NFIB: variants seen among roughly 807,000 people sequenced by gnomAD.
NFIB encodes the protein nuclear factor I B.
NFIB carries 11 observed loss-of-function variants against 61.5 expected under a neutral mutation model. The ratio of observed to expected loss-of-function variants is 0.18; its 90% CI spans 0.11 to 0.30. The LOEUF (loss-of-function observed/expected upper bound fraction) is 0.30. Among genes scored for constraint, NFIB ranks in the 10% least tolerant of loss-of-function variants. The probability of loss-of-function intolerance (pLI) is 1.00; values close to 1 mark genes in which losing one functional copy is unlikely to be tolerated. For synonymous variants in NFIB, 260 were observed against 216.5 expected (o/e 1.20, Z -1.76); for missense variants, 471 against 608.9 (o/e 0.77, Z 2.38).
intron 1 of NFIB, among the ~76,000 whole-genome samples, chr9:14,369,688 T>G (rs1178517298): frequency 6.6e-6 from 1 of 152,186 alleles, no homozygotes; most frequent in African/African-American, 2.4e-5. Flanking sequence ...CTCCTTCTTT[T>G]CTCCTAATTA....
At chr9:14,271,556 A>C (rs1264021492) in intron 2 of NFIB, among the ~76,000 whole-genome samples, 1 of 152,140 alleles carries the variant, frequency 6.6e-6, no homozygotes, top group Non-Finnish European at 1.5e-5. Flanking sequence ...CCGGGAAAAA[A>C]ATCAGACCAA....
chr9:14,319,026 T>C (rs945888336), upstream of NFIB, among the ~76,000 whole-genome samples: 1 of 152,146 alleles, frequency 6.6e-6, no homozygotes, highest in African/African-American at 2.4e-5. Context: ...AACTGGTTAG[T>C]TTCCCCACCC....
intron 1 of NFIB, among the ~76,000 whole-genome samples, chr9:14,364,961 T>A (rs2061283003): frequency 6.6e-6 from 1 of 152,206 alleles, no homozygotes; most frequent in African/African-American, 2.4e-5. Context: ...CAACCCCATT[T>A]TGATCTGTGC....
the NFIB span, among the ~76,000 whole-genome samples, chr9:14,520,289 A>G: frequency 6.6e-6 from 1 of 152,232 alleles, no homozygotes; most frequent in Non-Finnish European, 1.5e-5. Context: ...GAAACTTTCC[A>G]ATTTCATTCC....
rs896981588 is a variant in NFIB, at chr9:14,141,106, A to G, written c.925+5583T>C. On this transcript the variant is annotated intron_variant, in intron 6 of 10. Transcript: ENST00000380953. ...TTGACATTTAATACTATATCCTTAT[A>G]GAACTCTAGAAAGTGCAAACTGAAA... Among the ~76,000 whole-genome samples, 9 of 152,322 alleles carry G rather than the reference A, an allele frequency of 5.9e-5. No homozygotes were observed. In the East Asian group the frequency reaches 1.5e-3, roughly 26 times the overall value.
At chr9:14,360,641 C>A (rs1308382083) in intron 1 of NFIB, among the ~76,000 whole-genome samples, 2 of 151,538 alleles carry the variant, frequency 1.3e-5, no homozygotes, top group East Asian at 3.9e-4. Flanking sequence ...GCCTCCCGGG[C>A]TCACACCATT....
chr9:14,271,148 C>G (rs1003899339), intron 2 of NFIB, among the ~76,000 whole-genome samples: 1 of 150,598 alleles, frequency 6.6e-6, no homozygotes, highest in East Asian at 2.0e-4. Context: ...AAAGAAAGCA[C>G]CAGCGTCCCA....
intron 10 of NFIB, among the ~76,000 whole-genome samples, chr9:14,106,769 T>C (rs1272675704): frequency 6.6e-6 from 1 of 152,142 alleles, no homozygotes; most frequent in East Asian, 1.9e-4. Context: ...GGTCCTCCTT[T>C]GTTATTAACA....
At chr9:14,460,008 C>T in the NFIB span, among the ~76,000 whole-genome samples, 2 of 152,030 alleles carry the variant, frequency 1.3e-5, no homozygotes, top group Non-Finnish European at 1.5e-5. Flanking sequence ...CCCAGCCATC[C>T]CATTACTGAG....
At chr9:14,446,237 A>T in the NFIB span, among the ~76,000 whole-genome samples, 1 of 152,288 alleles carries the variant, frequency 6.6e-6, no homozygotes, top group South Asian at 2.1e-4. Flanking sequence ...CTTTTTAATT[A>T]TACTGTTTAG....
chr9:14,478,277 C>G, the NFIB span, among the ~76,000 whole-genome samples: 208 of 152,260 alleles, frequency 1.4e-3, no homozygotes, highest in African/African-American at 4.7e-3. Context: ...GTCTTTTCCT[C>G]CATCTTGCTT....
chr9:14,514,000 C>T, the NFIB span, among the ~76,000 whole-genome samples: 2 of 152,130 alleles, frequency 1.3e-5, no homozygotes, highest in Non-Finnish European at 2.9e-5. Context: ...GTCTGAATGT[C>T]GCTTACCTCA....
intron 7 of NFIB, among the ~76,000 whole-genome samples, chr9:14,122,392 T>C (rs1483889281): frequency 6.6e-6 from 1 of 152,188 alleles, no homozygotes; most frequent in Non-Finnish European, 1.5e-5. Context: ...CACACAGACC[T>C]AGGGGATCAG....
At chr9:14,189,162 C>T (rs1213887172) in intron 2 of NFIB, among the ~76,000 whole-genome samples, 1 of 152,204 alleles carries the variant, frequency 6.6e-6, no homozygotes, top group Non-Finnish European at 1.5e-5. Flanking sequence ...ACATACAACA[C>T]TCCTGTGTAC....
At chr9:14,193,189 T>G (rs1407229825) in intron 2 of NFIB, among the ~76,000 whole-genome samples, 1 of 151,580 alleles carries the variant, frequency 6.6e-6, no homozygotes, top group Admixed American at 6.6e-5. Context: ...CCAGGAGGTC[T>G]TCTGATAATC....
chr9:14,525,160 C>A, the NFIB span, among the ~76,000 whole-genome samples: 1 of 152,202 alleles, frequency 6.6e-6, no homozygotes, highest in South Asian at 2.1e-4. Flanking sequence ...GAGCGAGTGT[C>A]CTGGCCCATT....
At chr9:14,386,253 T>C (rs1445978716) in intron 1 of NFIB, among the ~76,000 whole-genome samples, 2 of 152,256 alleles carry the variant, frequency 1.3e-5, no homozygotes, top group Non-Finnish European at 2.9e-5. Flanking sequence ...AAGGATACCT[T>C]GCTCTCCAGA....
intron 2 of NFIB, among the ~76,000 whole-genome samples, chr9:14,186,599 G>T (rs797017093): frequency 6.6e-6 from 1 of 151,722 alleles, no homozygotes; most frequent in South Asian, 2.1e-4. Flanking sequence ...AAGGGTAATG[G>T]AGAGCAAACT....
chr9:14,239,834 CT>C (rs879742066), intron 2 of NFIB, among the ~76,000 whole-genome samples: 52 of 152,080 alleles, frequency 3.4e-4, no homozygotes, highest in Admixed American at 1.0e-3. Context: ...GAAAGATACC[CT>C]CCAGAGGGAG....
Sources: gnomAD v4.1 joint callset for allele counts (sites outside exome capture counted in the v4.1 genomes callset) on GRCh38, gnomAD v4.1.1 for gene constraint, MANE v1.5 for transcripts, NCBI Gene and HGNC (gene_info 2026-07-23, HGNC 2026-07-21) for gene names.